The following ASTN1 variants were observed in gnomAD, a reference collection of about 807,000 sequenced individuals.
ASTN1 encodes the protein astrotactin 1.
Under a neutral mutation model 140.7 loss-of-function variants are expected in ASTN1, and 41 were observed. That is an observed-to-expected ratio of 0.29 (90% confidence interval 0.23 to 0.38). The LOEUF (loss-of-function observed/expected upper bound fraction) is 0.38, where lower values mean the gene tolerates loss of function less well. Ranked by LOEUF, ASTN1 falls within the 10% of genes least tolerant of loss-of-function variation. The pLI is 1.00. For missense variants in ASTN1, 1,479 were observed against 1,678.8 expected, an observed-to-expected ratio of 0.88 and a Z score of 2.08; for synonymous variants, 640 against 652.2, an observed-to-expected ratio of 0.98 and a Z score of 0.29.
At chr1:176,894,475 A>G in intron 17 of ASTN1, 87 bp downstream of exon 17, 1 of 1,518,174 alleles carries the variant, frequency 6.6e-7, no homozygotes, top group South Asian at 1.3e-5. Flanking sequence ...ATGGCCCTCA[A>G]CCACACCCTG....
chr1:176,925,560 G>A (rs867446077), intron 16 of ASTN1, among the ~76,000 whole-genome samples: 2 of 152,108 alleles, frequency 1.3e-5, no homozygotes, highest in South Asian at 4.2e-4. Context: ...TATGGATCAT[G>A]GCCAAAATAA....
chr1:177,087,608 A>C (rs775848036), intron 1 of ASTN1, among the ~76,000 whole-genome samples: 7 of 152,162 alleles, frequency 4.6e-5, no homozygotes, highest in Non-Finnish European at 7.4e-5. Flanking sequence ...AATACTAGTA[A>C]ATCCTTTCCC....
At chr1:176,970,523 T>C (rs1673091260) in intron 8 of ASTN1, among the ~76,000 whole-genome samples, 2 of 151,950 alleles carry the variant, frequency 1.3e-5, no homozygotes, top group Admixed American at 1.3e-4. Context: ...TGTATAAGAC[T>C]TGCCATCCAG....
At chr1:177,087,688 G>C (rs929894764) in intron 1 of ASTN1, among the ~76,000 whole-genome samples, 5 of 152,292 alleles carry the variant, frequency 3.3e-5, no homozygotes, top group African/African-American at 1.2e-4. Context: ...ACCAACTTTT[G>C]GATGGAAGCA....
chr1:176,876,199 G>A (rs1389627025), intron 21 of ASTN1, among the ~76,000 whole-genome samples: 1 of 152,182 alleles, frequency 6.6e-6, no homozygotes, highest in Non-Finnish European at 1.5e-5. Flanking sequence ...GACAGAGTGA[G>A]TGACCCTATC....
At chr1:177,001,009 A>C (rs1169727019) in intron 8 of ASTN1, among the ~76,000 whole-genome samples, 3 of 152,200 alleles carry the variant, frequency 2.0e-5, no homozygotes, top group African/African-American at 7.2e-5. Context: ...CCACTCCATG[A>C]GATAATTTAA....
intron 1 of ASTN1, among the ~76,000 whole-genome samples, chr1:177,071,096 G>T (rs1678614403): frequency 6.6e-6 from 1 of 152,168 alleles, no homozygotes; most frequent in African/African-American, 2.4e-5. Flanking sequence ...TTCCAGTTGA[G>T]AAGCCCAGGG....
At position 176,988,410 on chromosome 1, in the gene ASTN1, C is replaced by A. The variant is rs545046303; in HGVS notation, c.1524-23173G>T. 1.2e-3 allele frequency among the ~76,000 whole-genome samples: 187 copies of A among 151,612 alleles called. 2 individuals carry two copies. The highest frequency in any genetic ancestry group is 4.3e-3 in the African/African-American group (179 of 41,296). On this transcript the variant is annotated intron_variant, in intron 8 of 22. Coordinates refer to ENST00000361833, the MANE Select transcript of ASTN1 (RefSeq NM_004319.3). ...TATGAGAAAAGCTGAAGGCCAAGGT[C>A]TCACTTTGGGTTATTTGCAAATTAA...
At chr1:177,035,161 G>A (rs186630831) in intron 2 of ASTN1, among the ~76,000 whole-genome samples, 110 of 152,288 alleles carry the variant, frequency 7.2e-4, no homozygotes, top group African/African-American at 2.3e-3. Context: ...AAGATGAGGC[G>A]CAGAGGTTAA....
chr1:176,868,912 G>A lies in ASTN1; in HGVS notation c.3579C>T (p.Tyr1193=). 6.2e-7 allele frequency: 1 copy of A among 1,612,278 alleles called. No individual in the cohort carries two copies. The highest frequency in any genetic ancestry group is 8.5e-7 in the Non-Finnish European group (1 of 1,178,786). ...LGSPTLHRVL[Y]HYNQHYESFG... ...AACTCTCATAGTGCTGGTTATAGTG[G>A]TAGAGGACCCGGTGTAAGGTGGGGG... The change falls in exon 22 of 23, where the codon TAC becomes TAT. Residue 1193 remains tyrosine (Y), a synonymous_variant. Transcript: ENST00000361833.
At chr1:176,914,407 G>A (rs1670390956) in intron 16 of ASTN1, among the ~76,000 whole-genome samples, 1 of 152,188 alleles carries the variant, frequency 6.6e-6, no homozygotes, top group Non-Finnish European at 1.5e-5. Flanking sequence ...AAATTATTCA[G>A]GGCAGAGACA....
chr1:177,058,796 A>T (rs1200240335), intron 2 of ASTN1, among the ~76,000 whole-genome samples: 2 of 148,904 alleles, frequency 1.3e-5, no homozygotes, highest in Non-Finnish European at 3.0e-5. Context: ...TCCCCCCAGC[A>T]GTATACCCAC....
At chr1:177,112,367 G>A (rs765859840) in intron 1 of ASTN1, among the ~76,000 whole-genome samples, 20 of 152,170 alleles carry the variant, frequency 1.3e-4, no homozygotes, top group East Asian at 3.9e-4. Flanking sequence ...AGGACCTCTC[G>A]CTCCTATCCG....
chr1:176,935,115 A>G (rs1671383023), intron 15 of ASTN1, among the ~76,000 whole-genome samples: 1 of 152,048 alleles, frequency 6.6e-6, no homozygotes, highest in Admixed American at 6.5e-5. Flanking sequence ...CCTATGGTAA[A>G]TTTTCCAAAT....
intron 1 of ASTN1, among the ~76,000 whole-genome samples, chr1:177,160,406 C>T (rs1457949021): frequency 6.6e-6 from 1 of 152,220 alleles, no homozygotes; most frequent in Non-Finnish European, 1.5e-5. Context: ...TCTCTGCAGG[C>T]TGATTGATTT....
intron 8 of ASTN1, among the ~76,000 whole-genome samples, chr1:177,009,392 C>G (rs1571643290): frequency 6.6e-6 from 1 of 152,170 alleles, no homozygotes; most frequent in African/African-American, 2.4e-5. Flanking sequence ...AATAAAAACA[C>G]CTCCTGTCAA....
At chr1:176,871,253 C>T (rs1270044589) in intron 21 of ASTN1, among the ~76,000 whole-genome samples, 2 of 152,124 alleles carry the variant, frequency 1.3e-5, no homozygotes, top group African/African-American at 4.8e-5. Flanking sequence ...CTTCTAAGAG[C>T]TGTGTTGTAT....
Position 177,058,506 on chromosome 1 carries a change from G to A in ASTN1, c.471+2572C>T, listed in dbSNP as rs140795995. 6.9e-3 allele frequency among the ~76,000 whole-genome samples: 1,057 copies of A among 152,228 alleles called. 5 individuals carry two copies. The highest frequency in any genetic ancestry group is 0.019 in the South Asian group (90 of 4,822). On this transcript the variant is annotated intron_variant, in intron 2 of 22. Transcript: ENST00000361833. The stretch of plus-strand genomic sequence containing the variant: ...TAGCATATGAAGGAGAGGTCTCAGA[G>A]ATAAGTTTAAAGTTGACTCTTGTTC...
Position 177,061,115 on chromosome 1 carries a change from G to A in ASTN1, c.434C>T (p.Ala145Val). 1 of 1,610,616 alleles carries A rather than the reference G, an allele frequency of 6.2e-7. No homozygotes were observed. Reference sequence around the variant, plus strand: ...GTGGAGGATCCTCAGCTCCTCTTCTGCCGACTCATGTTGGGGTTCTTCAGT... The same window carrying A: ...GTGGAGGATCCTCAGCTCCTCTTCTACCGACTCATGTTGGGGTTCTTCAGT... ...DPTEEPQHESAEEELRILHIS... is the reference protein window; with the variant it reads ...DPTEEPQHESVEEELRILHIS... The change falls in exon 2 of 23, where the codon GCA becomes GTA. Residue 145 changes from alanine to valine, a missense_variant. This residue lies in a region of ASTN1 where 729 missense variants were observed against 860.4 expected (regional missense o/e 0.85). Transcript: ENST00000361833.
Sources: allele counts gnomAD v4.1 joint callset (sites outside exome capture counted in the v4.1 genomes callset), GRCh38; gene constraint gnomAD v4.1.1; regional missense constraint gnomAD v4.1.1; transcripts MANE v1.5; gene names NCBI Gene and HGNC (gene_info 2026-07-23, HGNC 2026-07-21).